Variants in WDR73 observed in about 807,000 individuals in gnomAD.
WDR73 encodes WD repeat domain 73, also known as integrator complex assembly factor WDR73.
Under a neutral mutation model 38.2 loss-of-function variants are expected in WDR73, and 30 were observed. The ratio of observed to expected loss-of-function variants is 0.79; its 90% CI spans 0.59 to 1.06. The LOEUF is 1.06. Ranked by LOEUF, WDR73 falls within the 50% of genes least tolerant of loss-of-function variation. The probability of loss-of-function intolerance (pLI) is 0.00; values close to 1 mark genes in which losing one functional copy is unlikely to be tolerated. For missense variants in WDR73, 487 were observed against 467.0 expected (o/e 1.04, Z -0.40); for synonymous variants, 197 against 176.0 (o/e 1.12, Z -0.94).
intron 4 of WDR73, 140 bp downstream of exon 4, chr15:84,648,395 CTG>C: frequency 1.5e-6 from 1 of 661,062 alleles, no homozygotes; most frequent in Non-Finnish European, 2.7e-6. Context: ...CTGTGTGTAT[CTG>C]TGTGCACACA....
chr15:84,643,675 G>A lies in WDR73; in HGVS notation c.932C>T (p.Thr311Ile), dbSNP rs747012066. Residue 311 changes from threonine to isoleucine, a missense_variant, in exon 8 of 8, where the codon ACA becomes ATA. Transcript: ENST00000434634. Reference protein sequence around the residue: ...QVYDATSWDGTRSQDGTRSQV... With the variant: ...QVYDATSWDGIRSQDGTRSQV... ...GCTCCGTGTTCCATCTTGGCTCCGT[G>A]TTCCATCCCAAGATGTGGCATCATA... is the stretch of plus-strand genomic sequence containing the variant. The A allele has an allele frequency of 1.9e-6, 3 of 1,610,102 alleles. No homozygotes were observed. Among genetic ancestry groups the A allele is most frequent in the Admixed American group, 3.3e-5 (2 of 59,826 alleles).
chr15:84,651,588 C>A (rs1340300998), intron 3 of WDR73, among the ~76,000 whole-genome samples: 1 of 152,144 alleles, frequency 6.6e-6, no homozygotes, highest in Non-Finnish European at 1.5e-5. Context: ...GAAGCAGGAG[C>A]GTGTTCCCTG....
rs757624021 is a variant in WDR73, at chr15:84,654,259, C to G, written c.16G>C (p.Asp6His). The change falls in exon 1 of 8, where the codon GAC becomes CAC. Residue 6 changes from aspartate (D) to histidine (H), a missense_variant. Asp to His is a moderately conservative substitution (Grantham distance 81). Coordinates refer to ENST00000434634, the MANE Select transcript of WDR73 (RefSeq NM_032856.5). ...AAGCGCAAGGATTCCACCAGCCAGT[C>G]GTCCCCAGGATCCATGGCAACGACC... The part of the protein sequence containing the change: MDPGD[D>H]WLVESLRLYQ... 6 of 1,613,962 alleles carry G rather than the reference C, an allele frequency of 3.7e-6. No individual in the cohort carries two copies. The highest frequency in any genetic ancestry group is 2.2e-5 in the East Asian group (1 of 44,886).
chr15:84,653,554 G>A, intron 2 of WDR73, 78 bp downstream of exon 2: 1 of 1,117,758 alleles, frequency 8.9e-7, no homozygotes. Context: ...GAGTGGGTTG[G>A]GTCCCTCTAG....
intron 1 of WDR73, 42 bp downstream of exon 1, chr15:84,654,192 G>T (rs771928581): frequency 1.9e-6 from 3 of 1,613,458 alleles, no homozygotes; most frequent in Admixed American, 3.3e-5. Context: ...CGCCAGGCAA[G>T]CTCCAGGCCC....
chr15:84,643,491 C>T lies in WDR73; in HGVS notation c.1116G>A (p.Val372=), dbSNP rs916081815. 3 of 1,561,094 alleles carry T rather than the reference C, an allele frequency of 1.9e-6. No homozygotes were observed. The highest frequency in any genetic ancestry group is 3.5e-4 in the Middle Eastern group (2 of 5,796). Residue 372 remains valine, a synonymous_variant, in exon 8 of 8, where the codon GTG becomes GTA. Transcript: ENST00000434634. Reference sequence around the variant, plus strand: ...GGTGTCAGCGGGGGGCACAAAGGTCCACCCAGTCCCACACATGCAGAGAGG... The same window carrying T: ...GGTGTCAGCGGGGGGCACAAAGGTCTACCCAGTCCCACACATGCAGAGAGG... ...NDASLHVWDW[V]DLCAPR is the part of the protein sequence containing the mutation.
Position 84,646,166 on chromosome 15 carries a change from G to C in WDR73, c.517+18C>G. 5 of 1,613,360 alleles carry C rather than the reference G, an allele frequency of 3.1e-6. No homozygotes were observed. The highest frequency in any genetic ancestry group is 4.2e-6 in the Non-Finnish European group (5 of 1,179,864). On this transcript the variant is annotated intron_variant, in intron 6 of 7. Coordinates refer to ENST00000434634, the MANE Select transcript of WDR73 (RefSeq NM_032856.5). ...ATGCCGGCTGGAGCAGCAAGCAAGG[G>C]ACAAAGTACCACGGTACCTGAGGTG...
At chr15:84,648,149 C>T (rs1896521353) in intron 4 of WDR73, 195 bp from the exon 5 acceptor site, 1 of 623,506 alleles carries the variant, frequency 1.6e-6, no homozygotes, top group Non-Finnish European at 2.9e-6. Context: ...TGAGCCCAAG[C>T]TTCCATGTGT....
chr15:84,645,434 A>T lies in WDR73; in HGVS notation c.883+37T>A, dbSNP rs752019133. ...CACCCAACAGTCTCCTGGAAGAAAG[A>T]GATCAGATAACAAGACGAAATCCTG... On this transcript the variant is annotated intron_variant, in intron 7 of 7. Coordinates refer to ENST00000434634, the MANE Select transcript of WDR73 (RefSeq NM_032856.5). 8.1e-6 allele frequency: 13 copies of T among 1,607,714 alleles called. No individual in the cohort carries two copies. In the South Asian group the frequency reaches 1.4e-4, roughly 18 times the overall value.
chr15:84,654,052 G>A (rs75697182), intron 1 of WDR73, 182 bp downstream of exon 1: 9 of 768,830 alleles, frequency 1.2e-5, no homozygotes, highest in Non-Finnish European at 1.7e-5. Flanking sequence ...CGCGCACGCA[G>A]GAAGGAGCCA....
At chr15:84,653,897 G>A in intron 1 of WDR73, 198 bp from the exon 2 acceptor site, 2 of 614,310 alleles carry the variant, frequency 3.3e-6, no homozygotes, top group Non-Finnish European at 5.8e-6. Context: ...CTCATGTGTG[G>A]ACGTCCCAGG....
rs1371236150 is a variant in WDR73, at chr15:84,640,968, T to C, written c.*2502A>G. ...ATCATCATTATAATTATTATGAAAA[T>C]AGATAAGGGCATTATCCTGTACCCT... On this transcript the variant is annotated 3_prime_UTR_variant, in exon 8 of 8. Coordinates refer to ENST00000434634, the MANE Select transcript of WDR73 (RefSeq NM_032856.5). 1 of 152,102 alleles carries C rather than the reference T, an allele frequency of 6.6e-6. No homozygotes were observed. The highest frequency in any genetic ancestry group is 2.1e-4 in the South Asian group (1 of 4,826). The allele number at this position is 152,102 out of a possible 1,614,324, so 9.4% of individuals were successfully genotyped here.
chr15:84,646,012 T>C (rs1001892330), intron 6 of WDR73, 172 bp downstream of exon 6: 21 of 1,541,360 alleles, frequency 1.4e-5, no homozygotes, highest in Non-Finnish European at 1.7e-5. Flanking sequence ...TCCCTGGGAC[T>C]GCCTAATCCT....
chr15:84,647,839 T>G, intron 5 of WDR73, 51 bp downstream of exon 5: 1 of 1,561,370 alleles, frequency 6.4e-7, no homozygotes, highest in Non-Finnish European at 8.8e-7. Context: ...CAGGGGTGTA[T>G]GAGTCACACT....
intron 1 of WDR73, 52 bp downstream of exon 1, chr15:84,654,182 C>T: frequency 1.2e-6 from 2 of 1,613,158 alleles, no homozygotes; most frequent in South Asian, 2.2e-5. Flanking sequence ...CCCATCCGCC[C>T]GCCAGGCAAG....
intron 2 of WDR73, chr15:84,653,031 A>G: frequency 2.4e-6 from 1 of 409,468 alleles, no homozygotes; most frequent in Non-Finnish European, 4.4e-6. Flanking sequence ...TGATCCTCCC[A>G]CCACAGCCTT....
intron 3 of WDR73, among the ~76,000 whole-genome samples, chr15:84,650,091 ATG>A (rs1896578071): frequency 6.6e-6 from 1 of 152,162 alleles, no homozygotes; most frequent in Admixed American, 6.5e-5. Context: ...AGGCTGAACA[ATG>A]TTTTTCTATG....
chr15:84,641,789 G>A lies in WDR73; in HGVS notation c.*1681C>T, dbSNP rs1482807420. 1.3e-5 allele frequency: 2 copies of A among 152,150 alleles called. No homozygotes were observed. The highest frequency in any genetic ancestry group is 2.9e-5 in the Non-Finnish European group (2 of 68,018). 9.4% of individuals were successfully genotyped at this position (152,150 alleles called of 1,614,324 possible). On this transcript the variant is annotated 3_prime_UTR_variant, in exon 8 of 8. Transcript: ENST00000434634. ...ACCTTGGCCCCCCACAAAGTGCTGGGATTACAGGCGTGAGCCACTGTGCCT... is the reference window on the plus strand; with the variant it reads ...ACCTTGGCCCCCCACAAAGTGCTGGAATTACAGGCGTGAGCCACTGTGCCT...
chr15:84,645,700 G>A lies in WDR73; in HGVS notation c.654C>T (p.Gly218=), dbSNP rs1430330681. The change falls in exon 7 of 8, where the codon GGC becomes GGT. Residue 218 remains glycine (G), a synonymous_variant. Coordinates refer to ENST00000434634, the MANE Select transcript of WDR73 (RefSeq NM_032856.5). ...KWAPLENRSP[G]PGSGGERWCA... ...ACCATCTCTCTCCACCAGACCCAGG[G>A]CCAGGGCTGCGATTCTCCAACGGTG... 6.2e-7 allele frequency: 1 copy of A among 1,609,170 alleles called. No individual in the cohort carries two copies. The highest frequency in any genetic ancestry group is 1.3e-5 in the African/African-American group (1 of 74,758).
Sources: allele counts gnomAD v4.1 joint callset (sites outside exome capture counted in the v4.1 genomes callset), GRCh38; gene constraint gnomAD v4.1.1; transcripts MANE v1.5; gene names NCBI Gene and HGNC (gene_info 2026-07-23, HGNC 2026-07-21).